Variants in GNG7 observed in about 807,000 individuals in gnomAD.
GNG7 encodes the protein G protein subunit gamma 7, also known as guanine nucleotide-binding protein G(I)/G(S)/G(O) subunit gamma-7.
Under a neutral mutation model 4.0 loss-of-function variants are expected in GNG7, and 1 was observed. That is an observed-to-expected ratio of 0.25 (90% CI 0.09 to 1.18). GNG7 has a LOEUF of 1.18. Among genes scored for constraint, GNG7 ranks in the 50% most tolerant of loss-of-function variants. GNG7 has a pLI of 0.50. For missense variants in GNG7, 86 were observed against 91.9 expected, an observed-to-expected ratio of 0.94 and a Z score of 0.26; for synonymous variants, 34 against 36.9, an observed-to-expected ratio of 0.92 and a Z score of 0.29.
Position 2,511,716 on chromosome 19 carries a change from C to T in GNG7, c.*3306G>A, listed in dbSNP as rs987673779. The T allele has an allele frequency of 8.7e-6, 7 of 805,004 alleles. No individual in the cohort carries two copies. The highest frequency in any genetic ancestry group is 5.6e-5 in the African/African-American group (3 of 53,564). The allele number at this position is 805,004 out of a possible 1,614,324, so 49.9% of individuals were successfully genotyped here. On this transcript the variant is annotated 3_prime_UTR_variant, in exon 5 of 5. Coordinates refer to ENST00000382159, the MANE Select transcript of GNG7 (RefSeq NM_052847.3). The surrounding 1 kb of genome is among the most constrained non-coding windows in gnomAD (Gnocchi z 6.3). ...AGCGTTGCGCCTCGGACACGGTGGC[C>T]GGCCCGTCAAAGGGACCACGCAGAA...
At position 2,614,483 on chromosome 19, in the gene GNG7, C is replaced by CCT. The variant is rs1417911758; in HGVS notation, c.-78+31739_-78+31740dup. Among the ~76,000 whole-genome samples the CCT allele has an allele frequency of 6.6e-6, 1 of 152,174 alleles. No homozygotes were observed. The highest frequency in any genetic ancestry group is 1.5e-5 in the Non-Finnish European group (1 of 68,044). ...CCCAGCCCCTGGCACCCACACATCC[C>CCT]CTTCCTGCCTCTCTAGACTGGCCTG... On this transcript the variant is annotated intron_variant, in intron 2 of 4. Transcript: ENST00000382159. This position sits in a 1 kb window ranked among gnomAD's most constrained non-coding sequence, Gnocchi z 6.0.
chr19:2,688,358 A>G (rs1389550984), intron 1 of GNG7, among the ~76,000 whole-genome samples: 1 of 152,220 alleles, frequency 6.6e-6, no homozygotes, highest in Non-Finnish European at 1.5e-5. Context: ...TTCCCTCAGC[A>G]AGAATGACCT....
chr19:2,649,423 A>C (rs1327139512), intron 1 of GNG7, among the ~76,000 whole-genome samples: 1 of 67,478 alleles, frequency 1.5e-5, no homozygotes, highest in Non-Finnish European at 3.3e-5. Flanking sequence ...TTTGAGACGG[A>C]GTCTTGCTCT....
chr19:2,699,052 C>T (rs1913336592), intron 1 of GNG7, among the ~76,000 whole-genome samples: 1 of 152,024 alleles, frequency 6.6e-6, no homozygotes, highest in Non-Finnish European at 1.5e-5. Context: ...ACATTGTCAT[C>T]TTCCAATGCT....
intron 3 of GNG7, among the ~76,000 whole-genome samples, chr19:2,524,399 CGTG>C (rs1978330830): frequency 6.6e-6 from 1 of 152,194 alleles, no homozygotes; most frequent in African/African-American, 2.4e-5. Flanking sequence ...CGTGTGTACA[CGTG>C]GTGTGCATGT....
chr19:2,619,375 T>C (rs1232000562), intron 2 of GNG7, among the ~76,000 whole-genome samples: 7 of 152,240 alleles, frequency 4.6e-5, no homozygotes, highest in Non-Finnish European at 1.0e-4. Context: ...CTGTCCAGCC[T>C]GCAAAGGCTA....
intron 3 of GNG7, among the ~76,000 whole-genome samples, chr19:2,526,603 C>T (rs969623576): frequency 1.4e-5 from 2 of 143,654 alleles, no homozygotes; most frequent in African/African-American, 5.2e-5. Context: ...TTTTGTATTA[C>T]TAATATATAG....
chr19:2,654,804 G>A lies in GNG7; in HGVS notation c.-134-8524C>T, dbSNP rs117028649. ...CCCCCTCTGCACTGTGGACATTGGGGCTGGACCATTCTCTGGGCTGGGGCC... is the reference window on the plus strand; with the variant it reads ...CCCCCTCTGCACTGTGGACATTGGGACTGGACCATTCTCTGGGCTGGGGCC... On this transcript the variant is annotated intron_variant, in intron 1 of 4. Coordinates refer to ENST00000382159, the MANE Select transcript of GNG7 (RefSeq NM_052847.3). Among the ~76,000 whole-genome samples the A allele has an allele frequency of 3.2e-3, 484 of 151,928 alleles. 3 individuals are homozygous for A. The highest frequency in any genetic ancestry group is 5.1e-3 in the Non-Finnish European group (348 of 67,950).
In GNG7 at chr19:2,540,392, T is replaced by C. The variant is rs952936629; in HGVS notation, c.-38+14757A>G. Among the ~76,000 whole-genome samples, 4 of 152,292 alleles carry C rather than the reference T, an allele frequency of 2.6e-5. No individual in the cohort carries two copies. The South Asian group carries it at 8.3e-4, about 32-fold the overall frequency. Reference sequence around the variant, plus strand: ...GTTTTGATCTCCTGGCCTCCGGTGATCCTCCTGCCTCAGCCTCCCAAAGTG... The same window carrying C: ...GTTTTGATCTCCTGGCCTCCGGTGACCCTCCTGCCTCAGCCTCCCAAAGTG... On this transcript the variant is annotated intron_variant, in intron 3 of 4. Transcript: ENST00000382159.
At chr19:2,552,477 C>T (rs1380420748) in intron 3 of GNG7, among the ~76,000 whole-genome samples, 13 of 151,790 alleles carry the variant, frequency 8.6e-5, no homozygotes, top group South Asian at 2.1e-4. Flanking sequence ...CTCCGCCTCC[C>T]GGGTTCAAGC....
intron 2 of GNG7, among the ~76,000 whole-genome samples, chr19:2,607,547 G>A (rs1370158885): frequency 1.3e-4 from 8 of 62,700 alleles, no homozygotes; most frequent in African/African-American, 2.3e-4. Flanking sequence ...AAAAAAAAAA[G>A]AAAGACTAAA....
At chr19:2,651,060 C>G (rs1407133928) in intron 1 of GNG7, among the ~76,000 whole-genome samples, 1 of 152,158 alleles carries the variant, frequency 6.6e-6, no homozygotes, top group African/African-American at 2.4e-5. Flanking sequence ...AGAAACACTC[C>G]AGGTAGCAGG....
chr19:2,530,550 G>A (rs558253175), intron 3 of GNG7, among the ~76,000 whole-genome samples: 15 of 150,412 alleles, frequency 1.0e-4, no homozygotes, highest in South Asian at 2.1e-4. Context: ...GTGAAACCCC[G>A]TCTCTATTAA....
chr19:2,578,322 G>A (rs964579279), intron 2 of GNG7, among the ~76,000 whole-genome samples: 6 of 152,122 alleles, frequency 3.9e-5, no homozygotes, highest in South Asian at 2.1e-4. Flanking sequence ...CCAGAGGACC[G>A]AGGGCAGCCT....
chr19:2,553,051 G>A (rs960885217), intron 3 of GNG7, among the ~76,000 whole-genome samples: 1 of 144,236 alleles, frequency 6.9e-6, no homozygotes, highest in Non-Finnish European at 1.5e-5. Flanking sequence ...GCGAGTCGAC[G>A]AAACCAAAAG....
intron 1 of GNG7, among the ~76,000 whole-genome samples, chr19:2,652,574 G>A (rs1002656346): frequency 1.3e-5 from 2 of 152,006 alleles, no homozygotes; most frequent in East Asian, 1.9e-4. Flanking sequence ...AGCTGGGATC[G>A]TGCCACCTGC....
At chr19:2,651,486 ACT>A (rs925753755) in intron 1 of GNG7, among the ~76,000 whole-genome samples, 1 of 106,662 alleles carries the variant, frequency 9.4e-6, no homozygotes, top group Non-Finnish European at 1.9e-5. Flanking sequence ...TCTCTCTCTT[ACT>A]CTCTTTCTGT....
At chr19:2,697,697 G>C (rs1490259061) in intron 1 of GNG7, among the ~76,000 whole-genome samples, 1 of 152,160 alleles carries the variant, frequency 6.6e-6, no homozygotes, top group African/African-American at 2.4e-5. Flanking sequence ...GCTCACGCCT[G>C]TCACCCCAGC....
chr19:2,694,623 A>AC lies in GNG7; in HGVS notation c.-135+8022dup, dbSNP rs145098987. On this transcript the variant is annotated intron_variant, in intron 1 of 4. Transcript: ENST00000382159. ...GGGGCAGACAGTGTAAATCAGGGGG[A>AC]CCCCCAGCTTCTGGGGCTCACCTCC... Among the ~76,000 whole-genome samples, 445 of 151,886 alleles carry AC rather than the reference A, an allele frequency of 2.9e-3. 5 individuals are homozygous for AC. Among genetic ancestry groups the AC allele is most frequent in the African/African-American group, 9.9e-3 (411 of 41,380 alleles).
Sources: gnomAD v4.1 joint callset for allele counts (sites outside exome capture counted in the v4.1 genomes callset) on GRCh38, gnomAD v4.1.1 for gene constraint, Gnocchi (gnomAD v3.1) non-coding constraint, MANE v1.5 for transcripts, NCBI Gene and HGNC (gene_info 2026-07-23, HGNC 2026-07-21) for gene names.